TCF7L1: variants seen among roughly 807,000 people sequenced by gnomAD.
The protein encoded by TCF7L1 is transcription factor 7 like 1.
TCF7L1 carries 18 observed loss-of-function variants against 63.7 expected under a neutral mutation model. The ratio of observed to expected loss-of-function variants is 0.28; its 90% confidence interval spans 0.20 to 0.42. TCF7L1 has a LOEUF of 0.42. Among genes scored for constraint, TCF7L1 ranks in the 10% least tolerant of loss-of-function variants. TCF7L1 has a pLI of 1.00. For missense variants in TCF7L1, 654 were observed against 779.3 expected, an observed-to-expected ratio of 0.84 and a Z score of 1.91; for synonymous variants, 355 against 340.9, an observed-to-expected ratio of 1.04 and a Z score of -0.46.
chr2:85,157,041 C>T (rs531802471), intron 3 of TCF7L1, among the ~76,000 whole-genome samples: 7 of 152,216 alleles, frequency 4.6e-5, no homozygotes, highest in South Asian at 4.2e-4. Context: ...TGTCCATAGC[C>T]GAGGCTGAGA....
chr2:85,197,553 T>G (rs1679185863), intron 3 of TCF7L1, among the ~76,000 whole-genome samples: 1 of 152,228 alleles, frequency 6.6e-6, no homozygotes, highest in Non-Finnish European at 1.5e-5. Context: ...TAAAAGTCCA[T>G]TAATTAGCAT....
chr2:85,140,504 A>G (rs1677702469), intron 3 of TCF7L1, among the ~76,000 whole-genome samples: 1 of 151,948 alleles, frequency 6.6e-6, no homozygotes, highest in East Asian at 1.9e-4. Context: ...AGCTGGAGGG[A>G]AAGAAAGTGG....
intron 3 of TCF7L1, among the ~76,000 whole-genome samples, chr2:85,258,502 A>T (rs141611348): frequency 6.6e-6 from 1 of 152,154 alleles, no homozygotes; most frequent in Non-Finnish European, 1.5e-5. Context: ...CCAAGACCTC[A>T]TAGGACAAGA....
chr2:85,248,734 C>A (rs1433178532), intron 3 of TCF7L1, among the ~76,000 whole-genome samples: 1 of 152,164 alleles, frequency 6.6e-6, no homozygotes, highest in African/African-American at 2.4e-5. Context: ...ATAGCTGATC[C>A]ACCCACTTTG....
chr2:85,140,904 A>G lies in TCF7L1; in HGVS notation c.441+6454A>G, dbSNP rs561886975. 6.9e-3 allele frequency among the ~76,000 whole-genome samples: 645 copies of G among 93,550 alleles called. 4 individuals carry two copies. The highest frequency in any genetic ancestry group is 0.026 in the African/African-American group (604 of 23,054). The allele number at this position is 93,550 out of a possible 152,430, so 61.4% of individuals were successfully genotyped here. A position where few individuals can be genotyped will look rare whatever the true frequency, so the allele number is the denominator to read the frequency against. On this transcript the variant is annotated intron_variant, in intron 3 of 11. Transcript: ENST00000282111. ...AGCCTGGGCAATAAGAGCGAAAGAG[A>G]GAGAGAGACAGAAGAGAGAAAGAAA...
At position 85,133,634 on chromosome 2, in the gene TCF7L1, C is replaced by A; in HGVS notation, c.-51C>A. ...GGGCGCCGGGCCGGGCCGGGCAGGG[C>A]GCGGGCGGCTAGGGGCTCCGAGAGC... On this transcript the variant is annotated 5_prime_UTR_variant, in exon 1 of 12. Transcript: ENST00000282111. The surrounding 1 kb of genome is among the most constrained non-coding windows in gnomAD (Gnocchi z 4.4). 1 of 750,650 alleles carries A rather than the reference C, an allele frequency of 1.3e-6. No individual in the cohort carries two copies. The highest frequency in any genetic ancestry group is 1.6e-6 in the Non-Finnish European group (1 of 617,566). 46.5% of individuals were successfully genotyped at this position (750,650 alleles called of 1,614,324 possible). A position where few individuals can be genotyped will look rare whatever the true frequency, so the allele number is the denominator to read the frequency against.
intron 4 of TCF7L1, among the ~76,000 whole-genome samples, chr2:85,295,643 T>C (rs1314923485): frequency 6.6e-6 from 1 of 152,146 alleles, no homozygotes; most frequent in Non-Finnish European, 1.5e-5. Context: ...TTTTCTTTTC[T>C]GAAAAGTTTG....
chr2:85,283,326 G>A (rs900021608), intron 3 of TCF7L1, among the ~76,000 whole-genome samples, 169 bp from the exon 4 acceptor site: 1 of 150,030 alleles, frequency 6.7e-6, no homozygotes, highest in Non-Finnish European at 1.5e-5. Context: ...ATATATGCTC[G>A]CTCCTGTTAT....
intron 3 of TCF7L1, among the ~76,000 whole-genome samples, chr2:85,239,669 G>A (rs566565423): frequency 2.0e-5 from 3 of 152,258 alleles, no homozygotes; most frequent in South Asian, 4.1e-4. Context: ...AAGATCGGGC[G>A]CAGTGGCTCA....
At chr2:85,148,134 GT>G in intron 3 of TCF7L1, among the ~76,000 whole-genome samples, 1 of 152,260 alleles carries the variant, frequency 6.6e-6, no homozygotes, top group Non-Finnish European at 1.5e-5. Context: ...TGAGACGCTG[GT>G]GCTGAAGCTT....
chr2:85,277,258 C>A (rs1023386958), intron 3 of TCF7L1, among the ~76,000 whole-genome samples: 1 of 152,116 alleles, frequency 6.6e-6, no homozygotes, highest in Non-Finnish European at 1.5e-5. Flanking sequence ...GCAACTGTGG[C>A]AGAATGGAGA....
chr2:85,283,802 C>T lies in TCF7L1; in HGVS notation c.525+224C>T, dbSNP rs552598511. 1.3e-3 allele frequency among the ~76,000 whole-genome samples: 199 copies of T among 152,312 alleles called. 1 individual carries two copies. Among genetic ancestry groups the T allele is most frequent in the African/African-American group, 4.7e-3 (195 of 41,554 alleles). On this transcript the variant is annotated intron_variant, in intron 4 of 11. Coordinates refer to ENST00000282111, the MANE Select transcript of TCF7L1 (RefSeq NM_031283.3). ...GTTTTGTAATTGGAATAGCCGTCCC[C>T]CAACCCCCATGGCCCTGGCTGCTCA...
rs139526873 is a variant in TCF7L1 at position 85,273,073 on chromosome 2, A to T, written c.442-10422A>T. On this transcript the variant is annotated intron_variant, in intron 3 of 11. Transcript: ENST00000282111. ...TGGGAGGCGGGGAGGGCATGTAAGC[A>T]GCCTGTGTACATGCGGGGAAGGGAA... is the stretch of plus-strand genomic sequence containing the variant. Among the ~76,000 whole-genome samples the T allele has an allele frequency of 1.6e-3, 246 of 152,296 alleles. 1 individual carries two copies. The highest frequency in any genetic ancestry group is 5.7e-3 in the African/African-American group (237 of 41,578).
Position 85,176,691 on chromosome 2 carries a change from T to C in TCF7L1, c.441+42241T>C, listed in dbSNP as rs947534906. Among the ~76,000 whole-genome samples, 4 of 152,282 alleles carry C rather than the reference T, an allele frequency of 2.6e-5. No homozygotes were observed. In the East Asian group the frequency reaches 7.7e-4, roughly 29 times the overall value. ...TGACATCTTAGTCCGTTCTGGCTGCTATAACAAAGTGCTGGCCAGGCACAG... is the reference window on the plus strand; with the variant it reads ...TGACATCTTAGTCCGTTCTGGCTGCCATAACAAAGTGCTGGCCAGGCACAG... On this transcript the variant is annotated intron_variant, in intron 3 of 11. Coordinates refer to ENST00000282111, the MANE Select transcript of TCF7L1 (RefSeq NM_031283.3).
intron 3 of TCF7L1, among the ~76,000 whole-genome samples, chr2:85,222,534 G>A (rs1679869497): frequency 1.3e-5 from 2 of 151,786 alleles, no homozygotes; most frequent in Admixed American, 6.6e-5. Flanking sequence ...GCCCGGCACA[G>A]GGGTATGCAC....
At chr2:85,272,536 T>A (rs1263744433) in intron 3 of TCF7L1, among the ~76,000 whole-genome samples, 1 of 151,936 alleles carries the variant, frequency 6.6e-6, no homozygotes, top group Non-Finnish European at 1.5e-5. Flanking sequence ...CTCAAAGCTA[T>A]AATCCCAAGC....
chr2:85,177,762 T>G (rs987645428), intron 3 of TCF7L1, among the ~76,000 whole-genome samples: 9 of 152,190 alleles, frequency 5.9e-5, no homozygotes, highest in African/African-American at 1.9e-4. Flanking sequence ...TCCTACCACC[T>G]AACAAACTGT....
At chr2:85,229,039 A>G (rs1228434220) in intron 3 of TCF7L1, among the ~76,000 whole-genome samples, 1 of 140,638 alleles carries the variant, frequency 7.1e-6, no homozygotes. Context: ...AAAAAAAAAA[A>G]GAAAGGAAAA....
In TCF7L1 at chr2:85,133,572, C is replaced by T. The variant is rs1381913704; in HGVS notation, c.-113C>T. The T allele has an allele frequency of 3.7e-4, 100 of 271,084 alleles. 1 individual carries two copies. Among genetic ancestry groups the T allele is most frequent in the East Asian group, 8.9e-4 (5 of 5,594 alleles). The allele number at this position is 271,084 out of a possible 1,614,324, so 16.8% of individuals were successfully genotyped here. A position where few individuals can be genotyped will look rare whatever the true frequency, so the allele number is the denominator to read the frequency against. On this transcript the variant is annotated 5_prime_UTR_variant, in exon 1 of 12. Coordinates refer to ENST00000282111, the MANE Select transcript of TCF7L1 (RefSeq NM_031283.3). The surrounding 1 kb of genome is among the most constrained non-coding windows in gnomAD (Gnocchi z 4.4). ...GGCCACGCCCTGTCAAACTTTGTTG[C>T]GGCGGCTAGCGCAGCGGGCCCGCAA...
Sources: allele counts gnomAD v4.1 joint callset (sites outside exome capture counted in the v4.1 genomes callset), GRCh38; gene constraint gnomAD v4.1.1; non-coding constraint Gnocchi (gnomAD v3.1); transcripts MANE v1.5; gene names NCBI Gene and HGNC (gene_info 2026-07-23, HGNC 2026-07-21).